Variants in FRZB observed in about 807,000 individuals in gnomAD.
The protein encoded by FRZB is frizzled related protein, also known as secreted frizzled-related protein 3.
A neutral mutation model predicts 32.5 loss-of-function variants in FRZB; 34 were observed. The observed-to-expected ratio is 1.05, with a 90% CI of 0.80 to 1.39. The LOEUF (loss-of-function observed/expected upper bound fraction) is 1.39, where lower values mean the gene tolerates loss of function less well. FRZB is among the 40% of genes most tolerant of loss of function. The pLI, the probability that FRZB is intolerant of heterozygous loss-of-function variation, is 0.00. For missense variants in FRZB, 423 were observed against 424.8 expected, an observed-to-expected ratio of 1.00 and a Z score of 0.04; for synonymous variants, 170 against 159.2, an observed-to-expected ratio of 1.07 and a Z score of -0.51.
chr2:182,866,016 G>C lies in FRZB; in HGVS notation c.478+59C>G. The C allele has an allele frequency of 7.5e-7, 1 of 1,338,746 alleles. No homozygotes were observed. The highest frequency in any genetic ancestry group is 1.0e-6 in the Non-Finnish European group (1 of 954,116). The allele number at this position is 1,338,746 out of a possible 1,614,324, so 82.9% of individuals were successfully genotyped here. A position where few individuals can be genotyped will look rare whatever the true frequency, so the allele number is the denominator to read the frequency against. ...TTAGAGAGTAAAGGCTAGTAACAAG[G>C]ACTCCAAGAATTGAGGAGGCTGTAG... On this transcript the variant is annotated intron_variant, in intron 1 of 5. Coordinates refer to ENST00000295113, the MANE Select transcript of FRZB (RefSeq NM_001463.4). This position sits in a 1 kb window ranked among gnomAD's most constrained non-coding sequence, Gnocchi z 4.5.
At chr2:182,855,815 C>T (rs1695761851) in intron 2 of FRZB, among the ~76,000 whole-genome samples, 1 of 151,972 alleles carries the variant, frequency 6.6e-6, no homozygotes, top group Non-Finnish European at 1.5e-5. Flanking sequence ...ACAGGGTAAA[C>T]TCAAAGGAAT....
At chr2:182,837,886 G>T in intron 5 of FRZB, 62 bp downstream of exon 5, 1 of 1,269,128 alleles carries the variant, frequency 7.9e-7, no homozygotes, top group Non-Finnish European at 1.1e-6. Flanking sequence ...ATGACAGATG[G>T]CTGGTTTTCT....
At chr2:182,861,569 T>C (rs976237201) in intron 1 of FRZB, among the ~76,000 whole-genome samples, 2 of 152,248 alleles carry the variant, frequency 1.3e-5, no homozygotes, top group Admixed American at 1.3e-4. Context: ...CTAATGAATG[T>C]CAATGTCAAG....
rs1191591359 is a variant in FRZB at position 182,866,602 on chromosome 2, G to A, written c.-50C>T. 1 of 1,286,408 alleles carries A rather than the reference G, an allele frequency of 7.8e-7. No individual in the cohort carries two copies. Among genetic ancestry groups the A allele is most frequent in the African/African-American group, 1.5e-5 (1 of 66,904 alleles). The allele number at this position is 1,286,408 out of a possible 1,614,324, so 79.7% of individuals were successfully genotyped here. A position where few individuals can be genotyped will look rare whatever the true frequency, so the allele number is the denominator to read the frequency against. ...GCAGCCGCGCAGTGGACGCCAAAAG[G>A]CCCGCTCCGCCGTCTCCGCCTCCCC... On this transcript the variant is annotated 5_prime_UTR_variant, in exon 1 of 6. Transcript: ENST00000295113. The surrounding 1 kb of genome is among the most constrained non-coding windows in gnomAD (Gnocchi z 4.5).
chr2:182,834,559 T>C lies in FRZB; in HGVS notation c.*290A>G, dbSNP rs1475599890. ...GGAGACTCCAGCAAAGAGGCTCTGG[T>C]AACAGCATGTTTAATTTATTATTAT... On this transcript the variant is annotated 3_prime_UTR_variant, in exon 6 of 6. Coordinates refer to ENST00000295113, the MANE Select transcript of FRZB (RefSeq NM_001463.4). The C allele has an allele frequency of 8.0e-6, 3 of 373,844 alleles. No homozygotes were observed. The highest frequency in any genetic ancestry group is 4.0e-5 in the Admixed American group (1 of 25,214). The allele number at this position is 373,844 out of a possible 1,614,324, so 23.2% of individuals were successfully genotyped here. A position where few individuals can be genotyped will look rare whatever the true frequency, so the allele number is the denominator to read the frequency against.
intron 2 of FRZB, among the ~76,000 whole-genome samples, chr2:182,853,061 A>T (rs1327213373): frequency 2.0e-5 from 3 of 152,132 alleles, no homozygotes; most frequent in Non-Finnish European, 4.4e-5. Flanking sequence ...CCAAAGCATA[A>T]ATTTTTGAGT....
intron 2 of FRZB, among the ~76,000 whole-genome samples, chr2:182,851,816 CT>C (rs1695713401): frequency 1.3e-5 from 2 of 152,000 alleles, no homozygotes; most frequent in Admixed American, 1.3e-4. Flanking sequence ...ATAATTCAGC[CT>C]ATGTAGCTTG....
rs1470259688 is a variant in FRZB, at chr2:182,838,471, G to A, written c.735C>T (p.Cys245=). ...ATTCCTCATTAACATTAAGTGGAGG[G>A]CAGAGGCAGCCAGAGCTGGTATAGA... is the stretch of plus-strand genomic sequence containing the variant. ...VNLYTSSGCL[C]PPLNVNEEYI... is the part of the protein sequence containing the mutation. Residue 245 remains cysteine, a synonymous_variant, in exon 4 of 6, where the codon TGC becomes TGT. Coordinates refer to ENST00000295113, the MANE Select transcript of FRZB (RefSeq NM_001463.4). 6.2e-7 allele frequency: 1 copy of A among 1,612,934 alleles called. No homozygotes were observed. Among genetic ancestry groups the A allele is most frequent in the Non-Finnish European group, 8.5e-7 (1 of 1,179,232 alleles).
At chr2:182,837,905 T>C in intron 5 of FRZB, 43 bp downstream of exon 5, 1 of 1,502,572 alleles carries the variant, frequency 6.7e-7, no homozygotes, top group South Asian at 1.2e-5. Context: ...CTACTTTTGT[T>C]TTGTTTTCTG....
chr2:182,855,542 C>T (rs1196810363), intron 2 of FRZB, among the ~76,000 whole-genome samples: 2 of 152,020 alleles, frequency 1.3e-5, no homozygotes, highest in Non-Finnish European at 2.9e-5. Context: ...GGAGATTGAA[C>T]AAGACCAACG....
At chr2:182,842,373 A>G (rs1206078081) in intron 3 of FRZB, 105 bp downstream of exon 3, 4 of 812,066 alleles carry the variant, frequency 4.9e-6, no homozygotes, top group Non-Finnish European at 8.3e-6. Context: ...TTTAAGCCTT[A>G]TTCTTAAATG....
chr2:182,858,628 T>A (rs1695797093), intron 2 of FRZB, among the ~76,000 whole-genome samples, 158 bp downstream of exon 2: 1 of 152,182 alleles, frequency 6.6e-6, no homozygotes, highest in Admixed American at 6.5e-5. Flanking sequence ...TACTACGTGC[T>A]AATTTTAAAA....
intron 5 of FRZB, among the ~76,000 whole-genome samples, chr2:182,837,618 G>A (rs747434692): frequency 2.5e-4 from 38 of 151,996 alleles, no homozygotes; most frequent in African/African-American, 8.7e-4. Flanking sequence ...GTATGAAAGC[G>A]ATGCCTTTAA....
intron 1 of FRZB, among the ~76,000 whole-genome samples, chr2:182,861,132 A>G (rs376955821): frequency 1.3e-5 from 2 of 152,338 alleles, no homozygotes; most frequent in South Asian, 2.1e-4. Context: ...CTCTTAAGCC[A>G]TAGATAAGTG....
chr2:182,838,450 C>G lies in FRZB; in HGVS notation c.756G>C (p.Glu252Asp). 6.2e-7 allele frequency: 1 copy of G among 1,612,718 alleles called. No homozygotes were observed. The highest frequency in any genetic ancestry group is 8.5e-7 in the Non-Finnish European group (1 of 1,179,070). ...GCLCPPLNVN[E>D]EYIIMGYEDE... ...CTTCATAGCCCATGATGATATATTC[C>G]TCATTAACATTAAGTGGAGGGCAGA... Residue 252 changes from glutamate to aspartate, a missense_variant, in exon 4 of 6, where the codon GAG becomes GAC. Transcript: ENST00000295113.
chr2:182,842,898 C>G (rs1167484939), intron 2 of FRZB, among the ~76,000 whole-genome samples: 1 of 152,136 alleles, frequency 6.6e-6, no homozygotes, highest in Non-Finnish European at 1.5e-5. Flanking sequence ...AACTGGGAGG[C>G]AATTTTCTGC....
chr2:182,838,255 A>T (rs1695549162), intron 4 of FRZB, among the ~76,000 whole-genome samples, 154 bp downstream of exon 4: 1 of 152,030 alleles, frequency 6.6e-6, no homozygotes, highest in South Asian at 2.1e-4. Context: ...CATTCCATAT[A>T]TGAAATCAAG....
chr2:182,842,095 G>A (rs759771366), intron 3 of FRZB, among the ~76,000 whole-genome samples: 2 of 152,112 alleles, frequency 1.3e-5, no homozygotes, highest in Non-Finnish European at 2.9e-5. Context: ...AGTTCCTTAT[G>A]CATCAAAGTG....
At chr2:182,857,880 G>C (rs1326152629) in intron 2 of FRZB, among the ~76,000 whole-genome samples, 1 of 152,096 alleles carries the variant, frequency 6.6e-6, no homozygotes, top group Non-Finnish European at 1.5e-5. Flanking sequence ...CATATATGTG[G>C]ATAGCAAATA....
Sources: allele counts gnomAD v4.1 joint callset (sites outside exome capture counted in the v4.1 genomes callset), GRCh38; gene constraint gnomAD v4.1.1; non-coding constraint Gnocchi (gnomAD v3.1); transcripts MANE v1.5; gene names NCBI Gene and HGNC (gene_info 2026-07-23, HGNC 2026-07-21).